Variants in HCN1 observed in about 807,000 individuals in gnomAD.
HCN1 encodes the protein potassium/sodium hyperpolarization-activated cyclic nucleotide-gated channel 1.
In HCN1, 13 loss-of-function variants were observed where a neutral mutation model predicts 78.9. That is an observed-to-expected ratio of 0.16 (90% CI 0.11 to 0.26). HCN1 has a LOEUF of 0.26. Among genes scored for constraint, HCN1 ranks in the 10% least tolerant of loss-of-function variants. HCN1 has a pLI of 1.00. For synonymous variants in HCN1, 552 were observed against 455.5 expected (o/e 1.21, Z -2.70); for missense variants, 810 against 1,154.3 (o/e 0.70, Z 4.32).
intron 2 of HCN1, among the ~76,000 whole-genome samples, chr5:45,527,929 A>AG (rs1035751470): frequency 2.9e-5 from 3 of 105,162 alleles, no homozygotes; most frequent in African/African-American, 1.1e-4. Context: ...TTCTAAATTT[A>AG]GGGTTTTTTT....
chr5:45,333,525 T>A (rs1561110723), intron 5 of HCN1, among the ~76,000 whole-genome samples: 1 of 151,778 alleles, frequency 6.6e-6, no homozygotes. Flanking sequence ...TTTCGTTACC[T>A]GTGCTTGTAG....
At chr5:45,398,640 C>T (rs190451998) in intron 3 of HCN1, among the ~76,000 whole-genome samples, 1 of 151,998 alleles carries the variant, frequency 6.6e-6, no homozygotes, top group Non-Finnish European at 1.5e-5. Flanking sequence ...CTTGTCAAGG[C>T]CGTGCAAAAA....
At chr5:45,676,978 A>G (rs1361090526) in intron 1 of HCN1, among the ~76,000 whole-genome samples, 1 of 151,824 alleles carries the variant, frequency 6.6e-6, no homozygotes, top group Non-Finnish European at 1.5e-5. Context: ...GTGGGAAATG[A>G]TTCAAAATTT....
intron 2 of HCN1, among the ~76,000 whole-genome samples, chr5:45,481,942 ATAAACTGAAATCC>A (rs1430365451): frequency 4.7e-5 from 7 of 149,584 alleles, no homozygotes; most frequent in Non-Finnish European, 8.9e-5. Context: ...TGTATTGAGG[ATAAACTGAAATCC>A]TAAAAGAAAA....
Position 45,261,869 on chromosome 5 carries a change from T to G in HCN1, c.*52A>C. The G allele has an allele frequency of 6.2e-7, 1 of 1,604,856 alleles. No homozygotes were observed. Among genetic ancestry groups the G allele is most frequent in the Non-Finnish European group, 8.5e-7 (1 of 1,172,926 alleles). The stretch of plus-strand genomic sequence containing the variant: ...GAGATAGAATAAAATAAGATCTGAG[T>G]ATAGTCTCAGTTTATGAGAGTATTT... On this transcript the variant is annotated 3_prime_UTR_variant, in exon 8 of 8. Coordinates refer to ENST00000303230, the MANE Select transcript of HCN1 (RefSeq NM_021072.4).
At chr5:45,539,745 T>C (rs1169141584) in intron 2 of HCN1, among the ~76,000 whole-genome samples, 3 of 147,936 alleles carry the variant, frequency 2.0e-5, no homozygotes, top group Admixed American at 6.8e-5. Context: ...TTATTTTAAA[T>C]ATATAAAAAT....
At chr5:45,584,608 C>T (rs563305264) in intron 2 of HCN1, among the ~76,000 whole-genome samples, 9 of 152,292 alleles carry the variant, frequency 5.9e-5, no homozygotes, top group Non-Finnish European at 7.3e-5. Context: ...TTAGTTGATG[C>T]AGTTTCTTCC....
At chr5:45,560,572 A>T (rs1282686665) in intron 2 of HCN1, among the ~76,000 whole-genome samples, 1 of 152,042 alleles carries the variant, frequency 6.6e-6, no homozygotes, top group Non-Finnish European at 1.5e-5. Context: ...TGAAATAGTG[A>T]TACATTGACC....
chr5:45,418,770 T>C, intron 3 of HCN1, among the ~76,000 whole-genome samples: 1 of 152,134 alleles, frequency 6.6e-6, no homozygotes, highest in East Asian at 1.9e-4. Flanking sequence ...AATTCCTTTT[T>C]TGAGCAGAAA....
At chr5:45,638,850 C>T (rs893273463) in intron 2 of HCN1, among the ~76,000 whole-genome samples, 2 of 152,086 alleles carry the variant, frequency 1.3e-5, no homozygotes, top group Admixed American at 6.6e-5. Context: ...TGCAGTGAGC[C>T]GAGATGGAAC....
intron 1 of HCN1, among the ~76,000 whole-genome samples, chr5:45,681,692 G>A (rs1314655061): frequency 2.0e-5 from 3 of 151,982 alleles, no homozygotes; most frequent in Non-Finnish European, 4.4e-5. Flanking sequence ...GGTTTTAAAG[G>A]TGCACTGTTA....
chr5:45,269,075 A>G (rs1744913797), intron 6 of HCN1, among the ~76,000 whole-genome samples: 4 of 152,250 alleles, frequency 2.6e-5, no homozygotes, highest in Admixed American at 2.6e-4. Context: ...GTGTGATTCC[A>G]TTTATGTAAA....
chr5:45,264,091 C>T (rs1004920139), intron 7 of HCN1, among the ~76,000 whole-genome samples: 1 of 152,250 alleles, frequency 6.6e-6, no homozygotes, highest in South Asian at 2.1e-4. Flanking sequence ...CCACGCCCAG[C>T]TTCCCCAGGG....
chr5:45,583,276 T>G (rs1213974399), intron 2 of HCN1, among the ~76,000 whole-genome samples: 7 of 152,186 alleles, frequency 4.6e-5, no homozygotes, highest in East Asian at 3.8e-4. Context: ...GTCGAGGAAT[T>G]TATCCATTTC....
At chr5:45,347,711 G>A (rs1037931394) in intron 5 of HCN1, among the ~76,000 whole-genome samples, 5 of 152,188 alleles carry the variant, frequency 3.3e-5, no homozygotes, top group Non-Finnish European at 7.3e-5. Context: ...AGAACTACGT[G>A]AAGAATGCAG....
chr5:45,518,808 A>G (rs1742564690), intron 2 of HCN1, among the ~76,000 whole-genome samples: 1 of 152,048 alleles, frequency 6.6e-6, no homozygotes, highest in East Asian at 1.9e-4. Context: ...TGGGGACCAA[A>G]AAGTAAACCT....
At chr5:45,511,605 A>G (rs1448721531) in intron 2 of HCN1, among the ~76,000 whole-genome samples, 1 of 152,052 alleles carries the variant, frequency 6.6e-6, no homozygotes, top group Non-Finnish European at 1.5e-5. Context: ...AAAATCAGAC[A>G]AACCTAATTT....
rs186470523 is a variant in HCN1 at position 45,621,349 on chromosome 5, G to A, written c.849+23836C>T. 1.6e-3 allele frequency among the ~76,000 whole-genome samples: 238 copies of A among 151,022 alleles called. 1 individual carries two copies. The highest frequency in any genetic ancestry group is 2.8e-3 in the Non-Finnish European group (192 of 67,884). On this transcript the variant is annotated intron_variant, in intron 2 of 7. Transcript: ENST00000303230. ...TTTTTTTTTCCTCCAGAAGTGAAAAGTCAGGCTTGGAAGGTTAAATGCTTT... is the reference window on the plus strand; with the variant it reads ...TTTTTTTTTCCTCCAGAAGTGAAAAATCAGGCTTGGAAGGTTAAATGCTTT...
intron 5 of HCN1, among the ~76,000 whole-genome samples, chr5:45,333,947 T>C (rs1746399351): frequency 6.6e-6 from 1 of 151,836 alleles, no homozygotes; most frequent in Non-Finnish European, 1.5e-5. Context: ...CTTAATTACG[T>C]TAATGCATGA....
Sources: allele counts gnomAD v4.1 joint callset (sites outside exome capture counted in the v4.1 genomes callset), GRCh38; gene constraint gnomAD v4.1.1; transcripts MANE v1.5; gene names NCBI Gene and HGNC (gene_info 2026-07-23, HGNC 2026-07-21).